ZBTB4: variants seen among roughly 807,000 people sequenced by gnomAD.
ZBTB4 encodes zinc finger and BTB domain-containing protein 4.
A neutral mutation model predicts 59.8 loss-of-function variants in ZBTB4; 14 were observed. The ratio of observed to expected loss-of-function variants is 0.23; its 90% CI spans 0.15 to 0.37. The LOEUF is 0.37. Among genes scored for constraint, ZBTB4 ranks in the 10% least tolerant of loss-of-function variants. The probability of loss-of-function intolerance (pLI) is 1.00; values close to 1 mark genes in which losing one functional copy is unlikely to be tolerated. For missense variants in ZBTB4, 1,198 were observed against 1,380.8 expected (o/e 0.87, Z 2.10); for synonymous variants, 587 against 575.2 (o/e 1.02, Z -0.29).
In ZBTB4 at chr17:7,464,490, C is replaced by G. The variant is rs368690881; in HGVS notation, c.1092-600G>C. Among the ~76,000 whole-genome samples, 3 of 149,056 alleles carry G rather than the reference C, an allele frequency of 2.0e-5. No individual in the cohort carries two copies. The East Asian group carries it at 5.9e-4, about 29-fold the overall frequency. On this transcript the variant is annotated intron_variant, in intron 3 of 3. Coordinates refer to ENST00000380599, the MANE Select transcript of ZBTB4 (RefSeq NM_001128833.2). ...GAACTGGGGCTGGAGGGAGGCAGAC[C>G]GGTGAGTGGTGGTGAGCAGGGGCCT... is the stretch of plus-strand genomic sequence containing the variant.
intron 3 of ZBTB4, among the ~76,000 whole-genome samples, chr17:7,464,564 G>A (rs531316354): frequency 5.3e-5 from 8 of 151,990 alleles, no homozygotes; most frequent in South Asian, 2.1e-4. Context: ...GAGGCTGAGC[G>A]CAGTGGCTCA....
chr17:7,477,942 G>A (rs2070291087), intron 1 of ZBTB4, among the ~76,000 whole-genome samples: 1 of 152,062 alleles, frequency 6.6e-6, no homozygotes. Context: ...AAGATTAGCT[G>A]GGCCATCTGA....
Position 7,465,987 on chromosome 17 carries a change from C to T in ZBTB4, c.815G>A (p.Gly272Asp), listed in dbSNP as rs534055299. Residue 272 changes from glycine to aspartate, a missense_variant, in exon 3 of 4, where the codon GGC becomes GAC. Around this residue, in one of 9 missense-constraint regions of ZBTB4, gnomAD observed 204 missense variants for 205.5 expected, o/e 0.99. Coordinates refer to ENST00000380599, the MANE Select transcript of ZBTB4 (RefSeq NM_001128833.2). ...CCCTGCAGGACCACCAGGGCCAGCGCCCCCAGCTCCCAGCCCTGTAGACCC... is the reference window on the plus strand; with the variant it reads ...CCCTGCAGGACCACCAGGGCCAGCGTCCCCAGCTCCCAGCCCTGTAGACCC... ...TRGSTGLGAG[G>D]AGPGGPAGVD... 1 of 1,601,902 alleles carries T rather than the reference C, an allele frequency of 6.2e-7. No individual in the cohort carries two copies. Among genetic ancestry groups the T allele is most frequent in the Non-Finnish European group, 8.5e-7 (1 of 1,171,870 alleles).
chr17:7,483,503 A>G (rs2070374346), upstream of ZBTB4: 2 of 208,044 alleles, frequency 9.6e-6, 1 homozygote, highest in East Asian at 2.6e-4. Flanking sequence ...TGTGGCTTGC[A>G]GTGGTGTCGT....
In ZBTB4 at chr17:7,466,789, C is replaced by A. The variant is rs745663957; in HGVS notation, c.13G>T (p.Ala5Ser). 1.9e-6 allele frequency: 3 copies of A among 1,564,342 alleles called. No individual in the cohort carries two copies. The South Asian group carries it at 3.5e-5, about 18-fold the overall frequency. ...GCATGGGACGGGTCCGTCACCTCTG[C>A]AGGGGGGGGCATGGTGCCAGCCTAG... The part of the protein sequence containing the change: MPPP[A>S]EVTDPSHAPA... The change falls in exon 3 of 4, where the codon GCA (alanine) becomes TCA (serine). Residue 5 changes from alanine to serine, a missense_variant. Physicochemically the swap from Ala to Ser is moderately conservative, Grantham distance 99 (BLOSUM62 1). Coordinates refer to ENST00000380599, the MANE Select transcript of ZBTB4 (RefSeq NM_001128833.2). This position sits in a 1 kb window ranked among gnomAD's most constrained non-coding sequence, Gnocchi z 9.1.
chr17:7,477,502 C>T (rs1037262421), intron 1 of ZBTB4, among the ~76,000 whole-genome samples: 1 of 152,204 alleles, frequency 6.6e-6, no homozygotes, highest in Non-Finnish European at 1.5e-5. Context: ...CCCTCCCTTC[C>T]CCCACGTACA....
In ZBTB4 at chr17:7,466,541, G is replaced by A. The variant is rs1444327326; in HGVS notation, c.261C>T (p.Ser87=). ...AGGAAGAAGACGAGGAAGAGGAGGA[G>A]GAGGAAGAGGCAGCTGTGGTGGTGG... The part of the protein sequence containing the change: ...NPATTTAASS[S]SSSSSSSSSS... Residue 87 remains serine (S), a synonymous_variant, in exon 3 of 4, where the codon TCC becomes TCT. Coordinates refer to ENST00000380599, the MANE Select transcript of ZBTB4 (RefSeq NM_001128833.2). This position sits in a 1 kb window ranked among gnomAD's most constrained non-coding sequence, Gnocchi z 9.1. 2 of 1,612,682 alleles carry A rather than the reference G, an allele frequency of 1.2e-6. No individual in the cohort carries two copies. The highest frequency in any genetic ancestry group is 2.2e-5 in the South Asian group (2 of 90,858).
intron 3 of ZBTB4, 134 bp downstream of exon 3, chr17:7,465,577 G>A: frequency 1.4e-6 from 2 of 1,414,558 alleles, no homozygotes; most frequent in Non-Finnish European, 1.9e-6. Flanking sequence ...GCTAACCACA[G>A]TGCTGGGATT....
intron 1 of ZBTB4, among the ~76,000 whole-genome samples, chr17:7,478,212 A>T (rs2070296009): frequency 1.3e-5 from 2 of 152,120 alleles, no homozygotes; most frequent in South Asian, 4.1e-4. Flanking sequence ...ACAACGTCAC[A>T]AAAGAATCCT....
rs1298640483 is a variant in ZBTB4 at position 7,461,977 on chromosome 17, G to C, written c.3005C>G (p.Ala1002Gly). 1 of 1,587,176 alleles carries C rather than the reference G, an allele frequency of 6.3e-7. No individual in the cohort carries two copies. Among genetic ancestry groups the C allele is most frequent in the Non-Finnish European group, 8.6e-7 (1 of 1,165,450 alleles). Residue 1002 changes from alanine to glycine, a missense_variant, in exon 4 of 4, where the codon GCA becomes GGA. Ala to Gly is a moderately conservative substitution (Grantham distance 60, BLOSUM62 0). Around this residue, in one of 9 missense-constraint regions of ZBTB4, gnomAD observed 211 missense variants for 236.1 expected, o/e 0.89. Coordinates refer to ENST00000380599, the MANE Select transcript of ZBTB4 (RefSeq NM_001128833.2). ...PIPPKGEGERAGVERTQKGDV... is the reference protein window; with the variant it reads ...PIPPKGEGERGGVERTQKGDV... ...GCCCTTCTGGGTTCTCTCAACCCCT[G>C]CCCTTTCCCCTTCTCCCTTAGGGGG...
At chr17:7,482,619 C>T, upstream of ZBTB4, 2 of 1,612,116 alleles carry the variant, frequency 1.2e-6, no homozygotes, top group Non-Finnish European at 8.5e-7. Flanking sequence ...GTCTATCGTT[C>T]TCTGCACTTT....
intron 1 of ZBTB4, among the ~76,000 whole-genome samples, chr17:7,470,659 G>A (rs1170328600): frequency 1.3e-5 from 2 of 152,188 alleles, no homozygotes; most frequent in East Asian, 1.9e-4. Context: ...TTGCACCATT[G>A]CACTCCAGCT....
In ZBTB4 at chr17:7,463,528, C is replaced by T; in HGVS notation, c.1454G>A (p.Gly485Glu). Reference protein sequence around the residue: ...AHPAPSVIVHGGSSSGGGGSG... With the variant: ...AHPAPSVIVHEGSSSGGGGSG... The stretch of plus-strand genomic sequence containing the variant: ...CCCCCCTCCACCACTGCTACTGCCC[C>T]CATGGACAATGACAGAGGGGGCTGG... Residue 485 changes from glycine to glutamate, a missense_variant, in exon 4 of 4, where the codon GGG (glycine) becomes GAG (glutamate). Around this residue, in one of 9 missense-constraint regions of ZBTB4, gnomAD observed 550 missense variants for 541.8 expected, o/e 1.02. Transcript: ENST00000380599. 3 of 1,579,602 alleles carry T rather than the reference C, an allele frequency of 1.9e-6. No individual in the cohort carries two copies. Among genetic ancestry groups the T allele is most frequent in the Non-Finnish European group, 2.6e-6 (3 of 1,163,366 alleles).
chr17:7,478,040 C>A (rs557334761), intron 1 of ZBTB4, among the ~76,000 whole-genome samples: 1 of 152,170 alleles, frequency 6.6e-6, no homozygotes, highest in East Asian at 1.9e-4. Flanking sequence ...GCAGCCCCAC[C>A]GCCACTTAAG....
At position 7,464,419 on chromosome 17, in the gene ZBTB4, CTG is replaced by C. The variant is rs1488373664; in HGVS notation, c.1092-531_1092-530del. Among the ~76,000 whole-genome samples the C allele has an allele frequency of 2.6e-5, 3 of 117,592 alleles. No individual in the cohort carries two copies. The East Asian group carries it at 7.7e-4, about 30-fold the overall frequency. 77.1% of individuals were successfully genotyped at this position (117,592 alleles called of 152,430 possible). ...CCCGCCTGGGCGACAGAGTGAGACTCTGTCAAAAAAAGAAAAAAAAAAAAAAA... is the reference window on the plus strand; with the variant it reads ...CCCGCCTGGGCGACAGAGTGAGACTCTCAAAAAAAGAAAAAAAAAAAAAAA... On this transcript the variant is annotated intron_variant, in intron 3 of 3. Transcript: ENST00000380599.
In ZBTB4 at chr17:7,466,074, A is replaced by C. The variant is rs1457578683; in HGVS notation, c.728T>G (p.Phe243Cys). The change falls in exon 3 of 4, where the codon TTC (phenylalanine) becomes TGC (cysteine). Residue 243 changes from phenylalanine (F) to cysteine (C), a missense_variant. This residue lies in a region of ZBTB4 where 204 missense variants were observed against 205.5 expected (regional missense o/e 0.99). Transcript: ENST00000380599. The surrounding 1 kb of genome is among the most constrained non-coding windows in gnomAD (Gnocchi z 9.1). ...GGTCTGCAGCCGTTTGGGATGGATG[A>C]AGCTTTTTCCACACTGGGGGCAGGG... ...PLPCPQCGKS[F>C]IHPKRLQTHE... is the part of the protein sequence containing the mutation. 1.9e-6 allele frequency: 3 copies of C among 1,606,578 alleles called. No homozygotes were observed. Among genetic ancestry groups the C allele is most frequent in the Non-Finnish European group, 2.6e-6 (3 of 1,175,724 alleles).
Position 7,466,066 on chromosome 17 carries a change from G to T in ZBTB4, c.736C>A (p.Pro246Thr), listed in dbSNP as rs1015011051. 2 of 1,607,160 alleles carry T rather than the reference G, an allele frequency of 1.2e-6. No homozygotes were observed. The highest frequency in any genetic ancestry group is 1.3e-5 in the African/African-American group (1 of 74,782). Reference sequence around the variant, plus strand: ...GCCTCATGGGTCTGCAGCCGTTTGGGATGGATGAAGCTTTTTCCACACTGG... The same window carrying T: ...GCCTCATGGGTCTGCAGCCGTTTGGTATGGATGAAGCTTTTTCCACACTGG... ...CPQCGKSFIH[P>T]KRLQTHEAQC... Residue 246 changes from proline (P) to threonine (T), a missense_variant, in exon 3 of 4, where the codon CCC becomes ACC. By Grantham distance (38) the Pro-to-Thr change is conservative. Around this residue, in one of 9 missense-constraint regions of ZBTB4, gnomAD observed 204 missense variants for 205.5 expected, o/e 0.99. Transcript: ENST00000380599. This position sits in a 1 kb window ranked among gnomAD's most constrained non-coding sequence, Gnocchi z 9.1.
chr17:7,481,185 C>A (rs2070340562), upstream of ZBTB4: 2 of 185,596 alleles, frequency 1.1e-5, no homozygotes, highest in East Asian at 1.1e-4. Context: ...AAAAAATTAG[C>A]CAGGTGTAGT....
chr17:7,478,617 T>C (rs1340642882), intron 1 of ZBTB4, among the ~76,000 whole-genome samples: 2 of 152,086 alleles, frequency 1.3e-5, no homozygotes, highest in Admixed American at 6.5e-5. Flanking sequence ...AGAAAACAGT[T>C]CATAAACAGG....
Sources: allele counts gnomAD v4.1 joint callset (sites outside exome capture counted in the v4.1 genomes callset), GRCh38; gene constraint gnomAD v4.1.1; regional missense constraint gnomAD v4.1.1; non-coding constraint Gnocchi (gnomAD v3.1); transcripts MANE v1.5; gene names NCBI Gene and HGNC (gene_info 2026-07-23, HGNC 2026-07-21).